The following RORA variants were observed in gnomAD, a reference collection of about 807,000 sequenced individuals.
The protein encoded by RORA is nuclear receptor ROR-alpha.
RORA carries 7 observed loss-of-function variants against 69.5 expected under a neutral mutation model. The ratio of observed to expected loss-of-function variants is 0.10; its 90% CI spans 0.06 to 0.19. The LOEUF (loss-of-function observed/expected upper bound fraction) is 0.19. Among genes scored for constraint, RORA ranks in the 10% least tolerant of loss-of-function variants. The probability of loss-of-function intolerance (pLI) is 1.00; values close to 1 mark genes in which losing one functional copy is unlikely to be tolerated. For synonymous variants in RORA, 261 were observed against 240.8 expected (o/e 1.08, Z -0.78); for missense variants, 457 against 663.0 (o/e 0.69, Z 3.41).
chr15:61,162,020 G>A (rs2079500144), intron 1 of RORA, among the ~76,000 whole-genome samples: 1 of 152,058 alleles, frequency 6.6e-6, no homozygotes. Context: ...TAGAAATGTA[G>A]ATATATACAC....
Position 60,490,214 on chromosome 15 carries a change from A to G in RORA, c.*7241T>C, listed in dbSNP as rs1663609634. ...TATAGTTATACTCAGTGAAATTAAC[A>G]AGACCCAAAGGTGGTATTGTCTAGG... On this transcript the variant is annotated 3_prime_UTR_variant, in exon 11 of 11. Coordinates refer to ENST00000335670, the MANE Select transcript of RORA (RefSeq NM_134261.3). The surrounding 1 kb of genome is among the most constrained non-coding windows in gnomAD (Gnocchi z 4.1). 1 of 151,614 alleles carries G rather than the reference A, an allele frequency of 6.6e-6. No individual in the cohort carries two copies. The highest frequency in any genetic ancestry group is 2.4e-5 in the African/African-American group (1 of 41,350). 9.4% of individuals were successfully genotyped at this position (151,614 alleles called of 1,614,324 possible).
chr15:61,132,202 T>C (rs1051602327), intron 1 of RORA, among the ~76,000 whole-genome samples: 2 of 152,228 alleles, frequency 1.3e-5, no homozygotes, highest in African/African-American at 4.8e-5. Flanking sequence ...GAAAAATGAA[T>C]TCAATTTGTT....
chr15:60,669,113 T>TGAAA (rs1260943806), intron 2 of RORA, among the ~76,000 whole-genome samples: 1 of 152,150 alleles, frequency 6.6e-6, no homozygotes, highest in African/African-American at 2.4e-5. Context: ...GCAGCTCGAA[T>TGAAA]GAAAGAAAGC....
chr15:60,875,624 C>G (rs1477982159), intron 1 of RORA, among the ~76,000 whole-genome samples: 2 of 152,162 alleles, frequency 1.3e-5, no homozygotes, highest in Admixed American at 1.3e-4. Flanking sequence ...TGGAGAGGCA[C>G]TTCAGGGAAA....
At chr15:60,512,650 G>T (rs1012205519) in intron 4 of RORA, among the ~76,000 whole-genome samples, 1 of 152,114 alleles carries the variant, frequency 6.6e-6, no homozygotes, top group Non-Finnish European at 1.5e-5. Context: ...ACAGCATCAG[G>T]ATTTGGAAAG....
At chr15:60,587,550 C>CT (rs1409877418) in intron 2 of RORA, among the ~76,000 whole-genome samples, 1 of 152,146 alleles carries the variant, frequency 6.6e-6, no homozygotes, top group Non-Finnish European at 1.5e-5. Context: ...CTTCATCAGT[C>CT]ACTGATGGGA....
intron 1 of RORA, among the ~76,000 whole-genome samples, chr15:60,881,820 C>T (rs2073683558): frequency 1.3e-5 from 2 of 152,156 alleles, no homozygotes; most frequent in African/African-American, 2.4e-5. Flanking sequence ...AAAATGTTTT[C>T]GTGTGTCTGC....
At chr15:61,049,947 C>T (rs1369649275) in intron 1 of RORA, among the ~76,000 whole-genome samples, 3 of 152,224 alleles carry the variant, frequency 2.0e-5, no homozygotes, top group Admixed American at 6.5e-5. Flanking sequence ...GTGTGAGCCA[C>T]GGCACTCGGC....
intron 1 of RORA, among the ~76,000 whole-genome samples, chr15:60,929,626 G>A (rs564466545): frequency 6.6e-6 from 1 of 152,320 alleles, no homozygotes; most frequent in East Asian, 1.9e-4. Flanking sequence ...TCTTGAAAAT[G>A]TTTGGTTGGG....
In RORA at chr15:61,187,169, T is replaced by G. The variant is rs952734406; in HGVS notation, c.166+41884A>C. Among the ~76,000 whole-genome samples, 2 of 152,242 alleles carry G rather than the reference T, an allele frequency of 1.3e-5. 1 individual carries two copies. Among genetic ancestry groups the G allele is most frequent in the Admixed American group, 1.3e-4 (2 of 15,286 alleles). ...CAACTATTCCACATCGAGCCAGCAG[T>G]TATTAATTAGTTTTATTAGTGGCAG... On this transcript the variant is annotated intron_variant, in intron 1 of 10. Coordinates refer to ENST00000335670, the MANE Select transcript of RORA (RefSeq NM_134261.3).
chr15:61,177,295 G>C (rs1425239916), intron 1 of RORA, among the ~76,000 whole-genome samples: 1 of 152,162 alleles, frequency 6.6e-6, no homozygotes, highest in African/African-American at 2.4e-5. Context: ...GTGGGGACTT[G>C]GGTTTCCAGA....
chr15:60,985,880 G>A (rs576381393), intron 1 of RORA, among the ~76,000 whole-genome samples: 21 of 152,206 alleles, frequency 1.4e-4, no homozygotes, highest in South Asian at 1.2e-3. Context: ...GCGCCCAGCC[G>A]ACATGTTTTA....
intron 1 of RORA, among the ~76,000 whole-genome samples, chr15:60,910,207 T>G (rs1281452502): frequency 1.3e-5 from 2 of 152,078 alleles, no homozygotes. Flanking sequence ...TTGAACAGAG[T>G]GAGATATGTG....
intron 1 of RORA, among the ~76,000 whole-genome samples, chr15:61,074,627 A>T (rs550506705): frequency 7.9e-5 from 12 of 152,320 alleles, no homozygotes; most frequent in Admixed American, 2.0e-4. Flanking sequence ...AATAATTTTT[A>T]AAAAATCATT....
chr15:60,934,019 A>AG (rs1892447096), intron 1 of RORA, among the ~76,000 whole-genome samples: 1 of 152,226 alleles, frequency 6.6e-6, no homozygotes, highest in East Asian at 1.9e-4. Context: ...AGAAACACCT[A>AG]CTTAGCATAG....
intron 2 of RORA, among the ~76,000 whole-genome samples, chr15:60,589,415 C>T (rs1283177301): frequency 6.6e-6 from 1 of 152,190 alleles, no homozygotes; most frequent in Non-Finnish European, 1.5e-5. Flanking sequence ...GCTGAGCACT[C>T]ATATGAAGCA....
intron 2 of RORA, among the ~76,000 whole-genome samples, chr15:60,649,886 G>A (rs76767598): frequency 0.011 from 1,630 of 152,220 alleles, 36 homozygotes; most frequent in East Asian, 0.084. Flanking sequence ...ATGCAGTTCT[G>A]TCATTTTTGC....
At chr15:60,743,869 G>A (rs941171942) in intron 1 of RORA, among the ~76,000 whole-genome samples, 11 of 152,170 alleles carry the variant, frequency 7.2e-5, no homozygotes, top group African/African-American at 2.2e-4. Flanking sequence ...GAGAACTTCC[G>A]TCCAATTTTA....
At chr15:60,838,157 C>G (rs1383047623) in intron 1 of RORA, among the ~76,000 whole-genome samples, 3 of 152,084 alleles carry the variant, frequency 2.0e-5, no homozygotes, top group Admixed American at 6.5e-5. Context: ...GTTCCCTACC[C>G]CCTTAGACCT....
Sources: allele counts gnomAD v4.1 joint callset (sites outside exome capture counted in the v4.1 genomes callset), GRCh38; gene constraint gnomAD v4.1.1; non-coding constraint Gnocchi (gnomAD v3.1); transcripts MANE v1.5; gene names NCBI Gene and HGNC (gene_info 2026-07-23, HGNC 2026-07-21).